The following DNAH12 variants were observed in gnomAD, a reference collection of about 807,000 sequenced individuals.
DNAH12 encodes the protein axonemal beta dynein heavy chain 12.
DNAH12 carries 285 observed loss-of-function variants against 371.5 expected under a neutral mutation model. The ratio of observed to expected loss-of-function variants is 0.77; its 90% CI spans 0.70 to 0.85. The LOEUF (loss-of-function observed/expected upper bound fraction) is 0.85. DNAH12 is among the 40% of genes least tolerant of loss of function. DNAH12 has a pLI of 0.00. For synonymous variants in DNAH12, 1,200 were observed against 1,213.0 expected, an observed-to-expected ratio of 0.99 and a Z score of 0.22; for missense variants, 3,611 against 3,689.4, an observed-to-expected ratio of 0.98 and a Z score of 0.55.
chr3:57,494,555 C>T (rs1303668224), intron 11 of DNAH12, among the ~76,000 whole-genome samples: 3 of 151,944 alleles, frequency 2.0e-5, no homozygotes, highest in Admixed American at 2.0e-4. Flanking sequence ...GAGTGAGACC[C>T]TGTCTAAAAC....
At chr3:57,399,438 TA>T (rs1347601693) in intron 43 of DNAH12, among the ~76,000 whole-genome samples, 5 of 152,302 alleles carry the variant, frequency 3.3e-5, no homozygotes, top group African/African-American at 1.2e-4. Flanking sequence ...AGATTCATTT[TA>T]GATCCAAGGA....
intron 62 of DNAH12, 115 bp downstream of exon 62, chr3:57,334,350 T>C (rs1001387161): frequency 8.6e-7 from 1 of 1,164,482 alleles, no homozygotes; most frequent in African/African-American, 1.6e-5. Flanking sequence ...CTCAATGAAC[T>C]GTAAGCTGGA....
At chr3:57,515,177 G>T (rs1281355555) in intron 4 of DNAH12, among the ~76,000 whole-genome samples, 1 of 152,140 alleles carries the variant, frequency 6.6e-6, no homozygotes, top group Non-Finnish European at 1.5e-5. Context: ...TGCTGAGAAA[G>T]CCAGGAAGCA....
chr3:57,326,458 T>C (rs2061949946), intron 62 of DNAH12, among the ~76,000 whole-genome samples: 1 of 152,152 alleles, frequency 6.6e-6, no homozygotes, highest in African/African-American at 2.4e-5. Context: ...CCAGCCAAAC[T>C]AAGCTTCAGA....
rs2063091565 is a variant in DNAH12 at position 57,368,140 on chromosome 3, A to T, written c.8880T>A (p.Cys2960Ter). The change falls in exon 56 of 74, where the codon TGT (cysteine) becomes TGA (stop). Residue 2960 changes from cysteine to a stop codon, truncating the protein, a stop_gained. Transcript: ENST00000495027. LOFTEE classifies it high-confidence loss of function. ...DSDYMRTLENCIQFGTPLLLE... is the reference protein window; with the variant it reads ...DSDYMRTLEN Reference sequence around the variant, plus strand: ...ATAGAAGTGGAGTTCCAAACTGAATACAGTTTTCCAATGTTCTCATATAGT... The same window carrying T: ...ATAGAAGTGGAGTTCCAAACTGAATTCAGTTTTCCAATGTTCTCATATAGT... 1 of 152,228 alleles carries T rather than the reference A, an allele frequency of 6.6e-6. No individual in the cohort carries two copies. The highest frequency in any genetic ancestry group is 2.4e-5 in the African/African-American group (1 of 41,464). 9.4% of individuals were successfully genotyped at this position (152,228 alleles called of 1,614,324 possible).
At chr3:57,436,850 A>T in intron 30 of DNAH12, 101 bp downstream of exon 30, 1 of 829,952 alleles carries the variant, frequency 1.2e-6, no homozygotes, top group South Asian at 2.3e-5. Context: ...GTTGCTCTCA[A>T]CTCACCTAAT....
At position 57,301,720 on chromosome 3, in the gene DNAH12, A is replaced by AC; in HGVS notation, c.11394+14dup. 2 of 1,280,964 alleles carry AC rather than the reference A, an allele frequency of 1.6e-6. No individual in the cohort carries two copies. The highest frequency in any genetic ancestry group is 2.6e-5 in the South Asian group (2 of 75,648). 79.3% of individuals were successfully genotyped at this position (1,280,964 alleles called of 1,614,324 possible). On this transcript the variant is annotated intron_variant, in intron 70 of 73. Coordinates refer to ENST00000495027, the MANE Select transcript of DNAH12 (RefSeq NM_001366028.2). Reference sequence around the variant, plus strand: ...CACACACACACACACACACACACACACACACACATTTTACCTGTAAAAAGT... The same window carrying AC: ...CACACACACACACACACACACACACACCACACACATTTTACCTGTAAAAAGT...
chr3:57,352,570 G>A (rs1162061252), intron 59 of DNAH12, among the ~76,000 whole-genome samples: 1 of 151,796 alleles, frequency 6.6e-6, no homozygotes, highest in East Asian at 1.9e-4. Flanking sequence ...CTCTGAGAAA[G>A]TGAAATATGG....
At chr3:57,343,689 T>G (rs530074522) in intron 60 of DNAH12, among the ~76,000 whole-genome samples, 74 of 152,126 alleles carry the variant, frequency 4.9e-4, no homozygotes, top group Non-Finnish European at 2.2e-4. Context: ...GCAGTTGAGA[T>G]AGAGGAAGGC....
At chr3:57,396,383 A>T (rs1247669395) in intron 43 of DNAH12, among the ~76,000 whole-genome samples, 1 of 147,308 alleles carries the variant, frequency 6.8e-6, no homozygotes, top group African/African-American at 2.5e-5. Flanking sequence ...ACTTATTGTC[A>T]TGAGCATCAT....
intron 22 of DNAH12, 139 bp from the exon 23 acceptor site, chr3:57,455,033 A>G: frequency 1.3e-6 from 1 of 766,780 alleles, no homozygotes; most frequent in Non-Finnish European, 1.9e-6. Context: ...TTAAATGACT[A>G]AAAGACTCCC....
At chr3:57,408,223 G>T in intron 40 of DNAH12, 57 bp downstream of exon 40, 2 of 1,436,416 alleles carry the variant, frequency 1.4e-6, no homozygotes, top group Non-Finnish European at 1.8e-6. Flanking sequence ...AATAAAATAA[G>T]CGCCAAATGA....
chr3:57,482,104 C>G (rs2066764898), intron 13 of DNAH12, among the ~76,000 whole-genome samples: 1 of 152,048 alleles, frequency 6.6e-6, no homozygotes, highest in Non-Finnish European at 1.5e-5. Flanking sequence ...TTCTGCACAG[C>G]AAAAGAAACT....
intron 36 of DNAH12, among the ~76,000 whole-genome samples, chr3:57,420,908 CAAAAAAAAAAA>C (rs369971376): frequency 1.2e-4 from 9 of 78,016 alleles, no homozygotes; most frequent in African/African-American, 1.6e-4. Flanking sequence ...GACTCCGTCT[CAAAAAAAAAAA>C]AAAAAAAAAA....
intron 23 of DNAH12, among the ~76,000 whole-genome samples, 171 bp from the exon 24 acceptor site, chr3:57,453,574 G>A (rs2065819178): frequency 6.6e-6 from 1 of 151,980 alleles, no homozygotes; most frequent in Non-Finnish European, 1.5e-5. Flanking sequence ...AGGAGGTTAA[G>A]ATGGGAGGAT....
In DNAH12 at chr3:57,424,906, T is replaced by G. The variant is rs1357251785; in HGVS notation, c.5373+116A>C. The G allele has an allele frequency of 5.3e-6, 3 of 568,204 alleles. No homozygotes were observed. The Admixed American group carries it at 8.4e-5, about 16-fold the overall frequency. 35.2% of individuals were successfully genotyped at this position (568,204 alleles called of 1,614,324 possible). On this transcript the variant is annotated intron_variant, in intron 35 of 73. Transcript: ENST00000495027. Reference sequence around the variant, plus strand: ...CAACTTTAGTGTCTCCAGCTATTCTTTCAATGCTCACCAAAAAATAGCTTT... The same window carrying G: ...CAACTTTAGTGTCTCCAGCTATTCTGTCAATGCTCACCAAAAAATAGCTTT...
intron 69 of DNAH12, among the ~76,000 whole-genome samples, chr3:57,302,567 A>ATATATATATATATATTTTTTTTTTTTT (rs2061380979): frequency 3.6e-5 from 1 of 27,480 alleles, no homozygotes; most frequent in Non-Finnish European, 6.3e-5. Context: ...ATATATATGT[A>ATATATATATATATATTTTTTTTTTTTT]TTTTTTTTTT....
chr3:57,461,902 A>C (rs2066065746), intron 18 of DNAH12, among the ~76,000 whole-genome samples: 1 of 152,226 alleles, frequency 6.6e-6, no homozygotes, highest in Admixed American at 6.5e-5. Context: ...TAAAGAATTC[A>C]CTTGCTATGA....
intron 2 of DNAH12, among the ~76,000 whole-genome samples, chr3:57,539,042 T>C (rs1294230942): frequency 1.3e-5 from 2 of 152,056 alleles, no homozygotes; most frequent in Non-Finnish European, 2.9e-5. Context: ...CTGACACACA[T>C]CTCTTGTAAA....
Sources: allele counts gnomAD v4.1 joint callset (sites outside exome capture counted in the v4.1 genomes callset), GRCh38; gene constraint gnomAD v4.1.1; transcripts MANE v1.5; gene names NCBI Gene and HGNC (gene_info 2026-07-23, HGNC 2026-07-21).